CDH11: variants seen among roughly 807,000 people sequenced by gnomAD.
The protein encoded by CDH11 is cadherin 11.
A neutral mutation model predicts 67.8 loss-of-function variants in CDH11; 11 were observed. The observed-to-expected ratio is 0.16, with a 90% CI of 0.10 to 0.27. The LOEUF (loss-of-function observed/expected upper bound fraction) is 0.27. Ranked by LOEUF, CDH11 falls within the 10% of genes least tolerant of loss-of-function variation. CDH11 has a pLI of 1.00. For missense variants in CDH11, 847 were observed against 1,031.2 expected, an observed-to-expected ratio of 0.82 and a Z score of 2.45; for synonymous variants, 419 against 400.0, an observed-to-expected ratio of 1.05 and a Z score of -0.57.
rs934797960 is a variant in CDH11 at position 64,973,024 on chromosome 16, G to C, written c.1270C>G (p.His424Asp). ...GTGAAAAATCTGTCGAGGTCAGTGT[G>C]ACGATCGATGGAATACCTAAGCAGA... Reference protein sequence around the residue: ...NSPIRYSIDRHTDLDRFFTIN... With the variant: ...NSPIRYSIDRDTDLDRFFTIN... Residue 424 changes from histidine (H) to aspartate (D), a missense_variant, in exon 9 of 13, where the codon CAC (histidine) becomes GAC (aspartate). Coordinates refer to ENST00000268603, the MANE Select transcript of CDH11 (RefSeq NM_001797.4). The C allele has an allele frequency of 4.3e-6, 7 of 1,613,434 alleles. No homozygotes were observed. The highest frequency in any genetic ancestry group is 1.7e-5 in the Admixed American group (1 of 59,962).
At chr16:64,950,265 T>C (rs960303813) in intron 12 of CDH11, among the ~76,000 whole-genome samples, 3 of 152,108 alleles carry the variant, frequency 2.0e-5, no homozygotes, top group Admixed American at 2.0e-4. Context: ...TTATATATGA[T>C]AATTAGTGGA....
chr16:65,062,082 A>G (rs2142742896), intron 1 of CDH11, among the ~76,000 whole-genome samples: 1 of 152,330 alleles, frequency 6.6e-6, no homozygotes, highest in Non-Finnish European at 1.5e-5. Flanking sequence ...AAAATAGGGC[A>G]CTAAATTAGG....
intron 11 of CDH11, among the ~76,000 whole-genome samples, chr16:64,960,008 A>G (rs879688575): frequency 6.6e-6 from 1 of 152,122 alleles, no homozygotes; most frequent in African/African-American, 2.4e-5. Flanking sequence ...TTTTTGTTTA[A>G]GCAGTGCAAA....
intron 1 of CDH11, among the ~76,000 whole-genome samples, chr16:65,102,557 C>T (rs1158079408): frequency 6.6e-6 from 1 of 152,220 alleles, no homozygotes; most frequent in Non-Finnish European, 1.5e-5. Context: ...TATAGACAAG[C>T]ATGATGCAAA....
At chr16:65,080,923 T>C (rs1469869496) in intron 1 of CDH11, among the ~76,000 whole-genome samples, 1 of 152,228 alleles carries the variant, frequency 6.6e-6, no homozygotes, top group Non-Finnish European at 1.5e-5. Flanking sequence ...TTTGTATCTC[T>C]AGCATATTGA....
intron 2 of CDH11, among the ~76,000 whole-genome samples, chr16:65,008,640 G>T (rs914235452): frequency 3.3e-5 from 5 of 152,078 alleles, no homozygotes; most frequent in African/African-American, 9.7e-5. Context: ...GCAGACTTAC[G>T]CTTCTAGTAA....
chr16:65,017,524 A>T (rs1188324564), intron 2 of CDH11, among the ~76,000 whole-genome samples: 2 of 152,192 alleles, frequency 1.3e-5, no homozygotes, highest in Non-Finnish European at 2.9e-5. Flanking sequence ...CAAGTGCTCA[A>T]TATAAGAAAA....
At chr16:65,071,612 G>A (rs1350675323) in intron 1 of CDH11, among the ~76,000 whole-genome samples, 3 of 152,130 alleles carry the variant, frequency 2.0e-5, no homozygotes, top group Non-Finnish European at 2.9e-5. Context: ...TGCCCCAAGC[G>A]CGTGTCCCCA....
intron 3 of CDH11, 131 bp downstream of exon 3, chr16:65,004,511 G>A: frequency 1.2e-6 from 1 of 853,016 alleles, no homozygotes; most frequent in South Asian, 1.9e-5. Context: ...TATTTGGGTG[G>A]TTTTACTGGC....
At chr16:64,950,013 G>A (rs2071314601) in intron 12 of CDH11, among the ~76,000 whole-genome samples, 1 of 152,148 alleles carries the variant, frequency 6.6e-6, no homozygotes, top group South Asian at 2.1e-4. Flanking sequence ...CAAAAGTGTA[G>A]GTTTGGTGTC....
At chr16:65,083,137 C>T (rs1442889229) in intron 1 of CDH11, among the ~76,000 whole-genome samples, 1 of 152,144 alleles carries the variant, frequency 6.6e-6, no homozygotes, top group Non-Finnish European at 1.5e-5. Context: ...ACAATGAACA[C>T]ACTGAAACAC....
chr16:65,092,784 C>CAAAA (rs573644581), intron 1 of CDH11, among the ~76,000 whole-genome samples: 1 of 99,002 alleles, frequency 1.0e-5, no homozygotes, highest in Admixed American at 1.0e-4. Context: ...GGACATTTTC[C>CAAAA]AAAAAAAAAA....
At chr16:65,015,990 A>G (rs909043793) in intron 2 of CDH11, among the ~76,000 whole-genome samples, 4 of 152,290 alleles carry the variant, frequency 2.6e-5, no homozygotes, top group Admixed American at 6.5e-5. Context: ...TGTGGATGGA[A>G]GCCACTGAAC....
At chr16:64,957,436 T>C (rs1325434011) in intron 11 of CDH11, among the ~76,000 whole-genome samples, 2 of 152,020 alleles carry the variant, frequency 1.3e-5, no homozygotes, top group Non-Finnish European at 2.9e-5. Context: ...TAGATCTATC[T>C]ACCACATGAA....
intron 11 of CDH11, among the ~76,000 whole-genome samples, chr16:64,956,508 A>G (rs1181091414): frequency 1.3e-5 from 2 of 152,220 alleles, no homozygotes; most frequent in Admixed American, 1.3e-4. Flanking sequence ...CCTGGACAAT[A>G]TATTTCCCAT....
intron 2 of CDH11, among the ~76,000 whole-genome samples, chr16:65,024,206 T>A (rs1039198947): frequency 1.3e-5 from 2 of 152,210 alleles, no homozygotes; most frequent in African/African-American, 4.8e-5. Flanking sequence ...CCTCAGGATA[T>A]ATTAAGTTCC....
intron 8 of CDH11, among the ~76,000 whole-genome samples, chr16:64,974,948 C>A (rs540917325): frequency 1.3e-5 from 2 of 152,122 alleles, no homozygotes; most frequent in South Asian, 2.1e-4. Context: ...CACTTAAGTT[C>A]TTTGAGCCTT....
At chr16:65,092,494 A>AC (rs1211780014) in intron 1 of CDH11, among the ~76,000 whole-genome samples, 2 of 152,098 alleles carry the variant, frequency 1.3e-5, no homozygotes, top group African/African-American at 4.8e-5. Flanking sequence ...GCACTATCTA[A>AC]CCCATGCCTT....
chr16:65,123,247 G>A (rs2075365919), upstream of CDH11, among the ~76,000 whole-genome samples: 1 of 152,108 alleles, frequency 6.6e-6, no homozygotes, highest in Non-Finnish European at 1.5e-5. Flanking sequence ...CAGGGTGGGA[G>A]GTGGAGGCAA....
Sources: gnomAD v4.1 joint callset for allele counts (sites outside exome capture counted in the v4.1 genomes callset) on GRCh38, gnomAD v4.1.1 for gene constraint, MANE v1.5 for transcripts, NCBI Gene and HGNC (gene_info 2026-07-23, HGNC 2026-07-21) for gene names.